Variants in HDLBP observed in about 807,000 individuals in gnomAD.
HDLBP encodes high density lipoprotein binding protein.
In HDLBP, 30 loss-of-function variants were observed where a neutral mutation model predicts 137.3. The observed-to-expected ratio is 0.22, with a 90% CI of 0.16 to 0.30. HDLBP has a LOEUF of 0.30. Ranked by LOEUF, HDLBP falls within the 10% of genes least tolerant of loss-of-function variation. The pLI, the probability that HDLBP is intolerant of heterozygous loss-of-function variation, is 1.00. For missense variants in HDLBP, 1,119 were observed against 1,667.3 expected, an observed-to-expected ratio of 0.67 and a Z score of 5.73; for synonymous variants, 606 against 596.0, an observed-to-expected ratio of 1.02 and a Z score of -0.24.
At position 241,230,271 on chromosome 2, in the gene HDLBP, T is replaced by C; in HGVS notation, c.3475-2A>G. ...GCTCTGTGGGAAGCGAATGTCCACC[T>C]GGAAGGGGTGTACAACGTCAGATGA... On this transcript the variant is annotated splice_acceptor_variant, in intron 25 of 27. Coordinates refer to ENST00000310931, the MANE Select transcript of HDLBP (RefSeq NM_005336.6). LOFTEE classifies it high-confidence loss of function. This position sits in a 1 kb window ranked among gnomAD's most constrained non-coding sequence, Gnocchi z 5.0. The C allele has an allele frequency of 6.4e-7, 1 of 1,566,128 alleles. No individual in the cohort carries two copies. Among genetic ancestry groups the C allele is most frequent in the Non-Finnish European group, 8.7e-7 (1 of 1,143,466 alleles).
intron 24 of HDLBP, 195 bp from the exon 25 acceptor site, chr2:241,231,139 C>G: frequency 3.7e-6 from 2 of 543,778 alleles, no homozygotes; most frequent in South Asian, 4.5e-5. Context: ...AATCCCAGCA[C>G]TTTGGGAGGC....
At chr2:241,258,158 G>A (rs977750283) in intron 5 of HDLBP, among the ~76,000 whole-genome samples, 9 of 151,906 alleles carry the variant, frequency 5.9e-5, no homozygotes, top group African/African-American at 2.2e-4. Context: ...CAGCACTTTG[G>A]GAGGCCGAGG....
At position 241,228,660 on chromosome 2, in the gene HDLBP, A is replaced by C. The variant is rs1237455731; in HGVS notation, c.*941T>G. 6.6e-6 allele frequency: 1 copy of C among 152,648 alleles called. No homozygotes were observed. Among genetic ancestry groups the C allele is most frequent in the Non-Finnish European group, 1.5e-5 (1 of 68,086 alleles). The allele number at this position is 152,648 out of a possible 1,614,324, so 9.5% of individuals were successfully genotyped here. Reference sequence around the variant, plus strand: ...GAGACGGGTGTGTGGGGTGGCACTAACTGCACAGAGACCACTCCACGCCGG... The same window carrying C: ...GAGACGGGTGTGTGGGGTGGCACTACCTGCACAGAGACCACTCCACGCCGG... On this transcript the variant is annotated 3_prime_UTR_variant, in exon 28 of 28. Transcript: ENST00000310931.
At chr2:241,283,776 T>C (rs1410658515) in intron 1 of HDLBP, among the ~76,000 whole-genome samples, 1 of 152,138 alleles carries the variant, frequency 6.6e-6, no homozygotes, top group African/African-American at 2.4e-5. Flanking sequence ...GCCCAGCCAA[T>C]AGCTAGATCG....
In HDLBP at chr2:241,228,860, T is replaced by C. The variant is rs1359542654; in HGVS notation, c.*741A>G. 1 of 152,876 alleles carries C rather than the reference T, an allele frequency of 6.5e-6. No homozygotes were observed. The highest frequency in any genetic ancestry group is 6.5e-5 in the Admixed American group (1 of 15,288). 9.5% of individuals were successfully genotyped at this position (152,876 alleles called of 1,614,324 possible). A position where few individuals can be genotyped will look rare whatever the true frequency, so the allele number is the denominator to read the frequency against. ...CGCATCTCAATCACAGCAGACACTG[T>C]GACGGCCACAGGGGACCCAGATGGT... On this transcript the variant is annotated 3_prime_UTR_variant, in exon 28 of 28. Transcript: ENST00000310931.
rs1200637799 is a variant in HDLBP, at chr2:241,249,846, G to A, written c.1507C>T (p.Arg503Cys). ...AKRELLELAS[R>C]MENERTKDLI... ...GGCCCAGCCATGGCACTTACCATGC[G>A]AGATGCAAGCTCCAGCAGCTCTCGC... is the stretch of plus-strand genomic sequence containing the variant. The change falls in exon 12 of 28, where the codon CGC becomes TGC. Residue 503 changes from arginine to cysteine, a missense_variant. Physicochemically the swap from Arg to Cys is radical, Grantham distance 180. Around this residue, in one of 4 missense-constraint regions of HDLBP, gnomAD observed 425 missense variants for 693.9 expected, o/e 0.61. Transcript: ENST00000310931. 2.5e-6 allele frequency: 4 copies of A among 1,603,678 alleles called. No individual in the cohort carries two copies. The highest frequency in any genetic ancestry group is 1.1e-5 in the South Asian group (1 of 89,388).
At chr2:241,266,935 C>CA in intron 2 of HDLBP, 29 bp from the exon 3 acceptor site, 1 of 1,472,866 alleles carries the variant, frequency 6.8e-7, no homozygotes, top group Non-Finnish European at 9.5e-7. Context: ...AATCAGAAGT[C>CA]AAAGTACAAC....
At chr2:241,313,382 C>T (rs974815554) in intron 1 of HDLBP, among the ~76,000 whole-genome samples, 1 of 152,130 alleles carries the variant, frequency 6.6e-6, no homozygotes, top group Non-Finnish European at 1.5e-5. Flanking sequence ...TGGGTTCAAG[C>T]GATTCTCATG....
intron 20 of HDLBP, among the ~76,000 whole-genome samples, chr2:241,237,097 A>T (rs2070629573): frequency 6.6e-6 from 1 of 152,038 alleles, no homozygotes; most frequent in African/African-American, 2.4e-5. Context: ...CTTCAGTGAG[A>T]TCAGATGAGT....
In HDLBP at chr2:241,246,804, C is replaced by G. The variant is rs757658659; in HGVS notation, c.1898G>C (p.Arg633Pro). The change falls in exon 16 of 28, where the codon CGA becomes CCA. Residue 633 changes from arginine to proline, a missense_variant. Arg to Pro is a moderately radical substitution (Grantham distance 103). Transcript: ENST00000310931. ...NSETIIITGK[R>P]ANCEAARSRI... is the part of the protein sequence containing the mutation. ...GCTCCGGGCAGCTTCGCAGTTGGCT[C>G]GCTTGCCTGTGATGATAATGGTCTC... 6.2e-7 allele frequency: 1 copy of G among 1,614,142 alleles called. No homozygotes were observed. Among genetic ancestry groups the G allele is most frequent in the Non-Finnish European group, 8.5e-7 (1 of 1,179,994 alleles).
intron 1 of HDLBP, among the ~76,000 whole-genome samples, chr2:241,270,556 C>T (rs534961528): frequency 6.6e-6 from 1 of 152,342 alleles, no homozygotes; most frequent in East Asian, 1.9e-4. Context: ...CCTGTCCCCA[C>T]CTGAAATTCT....
At chr2:241,235,708 T>C (rs2070323126) in intron 21 of HDLBP, 114 bp from the exon 22 acceptor site, 2 of 683,790 alleles carry the variant, frequency 2.9e-6, no homozygotes, top group East Asian at 2.6e-5. Context: ...ACAACAGCAA[T>C]GTGCCCCACC....
At position 241,239,505 on chromosome 2, in the gene HDLBP, A is replaced by G. The variant is rs2070983300; in HGVS notation, c.2610+97T>C. 5.2e-6 allele frequency: 5 copies of G among 962,120 alleles called. No homozygotes were observed. Among genetic ancestry groups the G allele is most frequent in the Non-Finnish European group, 8.1e-6 (5 of 616,180 alleles). The allele number at this position is 962,120 out of a possible 1,614,324, so 59.6% of individuals were successfully genotyped here. A position where few individuals can be genotyped will look rare whatever the true frequency, so the allele number is the denominator to read the frequency against. ...GAAGCCTTCCAGGGCTGTATGAGGGAGTCACCTCCCTACAGGGTGGAGCGA... is the reference window on the plus strand; with the variant it reads ...GAAGCCTTCCAGGGCTGTATGAGGGGGTCACCTCCCTACAGGGTGGAGCGA... On this transcript the variant is annotated intron_variant, in intron 19 of 27. Coordinates refer to ENST00000310931, the MANE Select transcript of HDLBP (RefSeq NM_005336.6). This position sits in a 1 kb window ranked among gnomAD's most constrained non-coding sequence, Gnocchi z 4.6.
intron 1 of HDLBP, among the ~76,000 whole-genome samples, chr2:241,296,030 T>C (rs976198046): frequency 7.0e-6 from 1 of 142,574 alleles, no homozygotes; most frequent in Non-Finnish European, 1.5e-5. Context: ...CCCAGTAGGA[T>C]ATTTTTTTAA....
rs181225616 is a variant in HDLBP, at chr2:241,272,618, G to C, written c.-102-4077C>G. 0.15 allele frequency: 144,585 copies of C among 980,592 alleles called. 11,367 individuals are homozygous for C. Among genetic ancestry groups the C allele is most frequent in the Non-Finnish European group, 0.16 (130,416 of 827,192 alleles). 60.7% of individuals were successfully genotyped at this position (980,592 alleles called of 1,614,324 possible). On this transcript the variant is annotated intron_variant, in intron 1 of 27. Transcript: ENST00000310931. The surrounding 1 kb of genome is among the most constrained non-coding windows in gnomAD (Gnocchi z 5.6). ...CCGCGGGCGGGGGCCGCAGCCTGGG[G>C]CCCGGGTGGGGGCCGCGGCACCCGG...
intron 1 of HDLBP, among the ~76,000 whole-genome samples, chr2:241,287,797 C>T (rs1023171521): frequency 3.9e-5 from 6 of 152,170 alleles, no homozygotes; most frequent in African/African-American, 7.2e-5. Flanking sequence ...TAAGACCTCT[C>T]TAGAAGGAAA....
chr2:241,262,115 G>A (rs2073247838), intron 5 of HDLBP, among the ~76,000 whole-genome samples: 1 of 152,254 alleles, frequency 6.6e-6, no homozygotes, highest in South Asian at 2.1e-4. Flanking sequence ...ACTGGCATCA[G>A]ACTGCCAAAG....
chr2:241,230,137 G>A lies in HDLBP; in HGVS notation c.3591+16C>T. ...TGCCAGGGCGCCTCAGGGCTCCAAG[G>A]CCCACAGAGACTCACGTATTCCTCC... is the stretch of plus-strand genomic sequence containing the variant. On this transcript the variant is annotated intron_variant, in intron 26 of 27. Transcript: ENST00000310931. The surrounding 1 kb of genome is among the most constrained non-coding windows in gnomAD (Gnocchi z 5.0). The A allele has an allele frequency of 6.2e-7, 1 of 1,602,646 alleles. No homozygotes were observed. Among genetic ancestry groups the A allele is most frequent in the Non-Finnish European group, 8.5e-7 (1 of 1,169,744 alleles).
intron 1 of HDLBP, among the ~76,000 whole-genome samples, chr2:241,278,671 G>C (rs984613669): frequency 6.6e-6 from 1 of 152,046 alleles, no homozygotes; most frequent in Non-Finnish European, 1.5e-5. Context: ...AGTATGGCAA[G>C]AAAAGAAAGT....
Sources: allele counts gnomAD v4.1 joint callset (sites outside exome capture counted in the v4.1 genomes callset), GRCh38; gene constraint gnomAD v4.1.1; regional missense constraint gnomAD v4.1.1; non-coding constraint Gnocchi (gnomAD v3.1); transcripts MANE v1.5; gene names NCBI Gene and HGNC (gene_info 2026-07-23, HGNC 2026-07-21).